Variants in ST8SIA5 observed in about 807,000 individuals in gnomAD.
The protein encoded by ST8SIA5 is ST8 alpha-N-acetyl-neuraminide alpha-2,8-sialyltransferase 5.
Under a neutral mutation model 40.2 loss-of-function variants are expected in ST8SIA5, and 24 were observed. The ratio of observed to expected loss-of-function variants is 0.60; its 90% CI spans 0.43 to 0.84. ST8SIA5 has a LOEUF of 0.84. ST8SIA5 is among the 40% of genes least tolerant of loss of function. ST8SIA5 has a pLI of 0.00. For missense variants in ST8SIA5, 465 were observed against 498.5 expected (o/e 0.93, Z 0.64); for synonymous variants, 198 against 201.8 (o/e 0.98, Z 0.16).
At position 46,723,925 on chromosome 18, in the gene ST8SIA5, TAAAAAAA is replaced by T. The variant is rs879694921; in HGVS notation, c.132-19268_132-19262del. On this transcript the variant is annotated intron_variant, in intron 1 of 6. Transcript: ENST00000315087. ...TGGGTGACAAGAGCAAAACTCCATCTAAAAAAAAAAAAGAAAAAAGCAGAATTTTTTT... is the reference window on the plus strand; with the variant it reads ...TGGGTGACAAGAGCAAAACTCCATCTAAAAAGAAAAAAGCAGAATTTTTTT... Among the ~76,000 whole-genome samples, 7 of 141,400 alleles carry T rather than the reference TAAAAAAA, an allele frequency of 5.0e-5. No homozygotes were observed. The East Asian group carries it at 1.4e-3, about 29-fold the overall frequency. 92.8% of individuals were successfully genotyped at this position (141,400 alleles called of 152,430 possible). A position where few individuals can be genotyped will look rare whatever the true frequency, so the allele number is the denominator to read the frequency against.
chr18:46,673,241 T>C lies in ST8SIA5; in HGVS notation c.*6801A>G, dbSNP rs1167013545. Reference sequence around the variant, plus strand: ...CTATGTTATGTGTATTTTACCATAATTACAAATGAAAAAGAAATCTTTGTT... The same window carrying C: ...CTATGTTATGTGTATTTTACCATAACTACAAATGAAAAAGAAATCTTTGTT... On this transcript the variant is annotated 3_prime_UTR_variant, in exon 7 of 7. Transcript: ENST00000315087. The C allele has an allele frequency of 6.6e-6, 1 of 152,220 alleles. No homozygotes were observed. The highest frequency in any genetic ancestry group is 1.5e-5 in the Non-Finnish European group (1 of 68,042). 9.4% of individuals were successfully genotyped at this position (152,220 alleles called of 1,614,324 possible).
chr18:46,724,989 GAGGAAGGAAGGA>G (rs60444300), intron 1 of ST8SIA5, among the ~76,000 whole-genome samples: 11,067 of 99,618 alleles, frequency 0.11, 646 homozygotes, highest in African/African-American at 0.17. Context: ...GAAAGAGAGA[GAGGAAGGAAGGA>G]AGGAAGGAAG....
In ST8SIA5 at chr18:46,731,494, C is replaced by T. The variant is rs562905946; in HGVS notation, c.131+24884G>A. ...GGGCCCCTTCACCTCCCTCTCGCCC[C>T]AGCAGGAGAGCCCAGGCCCCTGTGG... On this transcript the variant is annotated intron_variant, in intron 1 of 6. Coordinates refer to ENST00000315087, the MANE Select transcript of ST8SIA5 (RefSeq NM_013305.6). Among the ~76,000 whole-genome samples the T allele has an allele frequency of 2.0e-5, 3 of 152,332 alleles. No homozygotes were observed. In the South Asian group the frequency reaches 6.2e-4, roughly 32 times the overall value.
intron 5 of ST8SIA5, among the ~76,000 whole-genome samples, chr18:46,684,616 G>A (rs1372812231): frequency 2.6e-5 from 4 of 152,240 alleles, no homozygotes; most frequent in South Asian, 4.1e-4. Context: ...ACCACTATAC[G>A]CTCCACTTCT....
chr18:46,702,256 G>A (rs918164771), intron 2 of ST8SIA5, among the ~76,000 whole-genome samples: 14 of 152,056 alleles, frequency 9.2e-5, no homozygotes, highest in African/African-American at 3.4e-4. Flanking sequence ...GGGCCTGAAA[G>A]CTTTGAATTC....
In ST8SIA5 at chr18:46,680,005, G is replaced by T. The variant is rs773255154; in HGVS notation, c.*37C>A. 3 of 1,567,408 alleles carry T rather than the reference G, an allele frequency of 1.9e-6. No individual in the cohort carries two copies. The highest frequency in any genetic ancestry group is 1.2e-5 in the South Asian group (1 of 82,816). On this transcript the variant is annotated 3_prime_UTR_variant, in exon 7 of 7. Coordinates refer to ENST00000315087, the MANE Select transcript of ST8SIA5 (RefSeq NM_013305.6). The stretch of plus-strand genomic sequence containing the variant: ...TTCCACCAGGAGGGACAGCAGGAGA[G>T]GGGGCGCCGCTTGCCGGGCAGCCTG...
At chr18:46,750,739 G>A (rs560172810) in intron 1 of ST8SIA5, among the ~76,000 whole-genome samples, 7 of 152,052 alleles carry the variant, frequency 4.6e-5, no homozygotes, top group Non-Finnish European at 7.4e-5. Context: ...CTCCAGCCTC[G>A]GCTTCCAGAG....
At chr18:46,696,635 C>T (rs1327116520) in intron 2 of ST8SIA5, among the ~76,000 whole-genome samples, 2 of 152,208 alleles carry the variant, frequency 1.3e-5, no homozygotes, top group African/African-American at 4.8e-5. Context: ...TGCTGCCCTT[C>T]CAGTCTTAAA....
At chr18:46,704,546 C>A (rs1484051761) in intron 2 of ST8SIA5, 26 bp downstream of exon 2, 11 of 1,607,616 alleles carry the variant, frequency 6.8e-6, no homozygotes, top group Non-Finnish European at 9.4e-6. Context: ...ATGCTCCCTG[C>A]ACCCACCACA....
chr18:46,725,919 G>A (rs187718251), intron 1 of ST8SIA5, among the ~76,000 whole-genome samples: 1,926 of 132,310 alleles, frequency 0.015, 53 homozygotes, highest in African/African-American at 0.053. Flanking sequence ...TCAGGAGTTT[G>A]AGACCAGCCT....
intron 1 of ST8SIA5, among the ~76,000 whole-genome samples, chr18:46,744,641 T>C (rs892141158): frequency 6.6e-6 from 1 of 152,104 alleles, no homozygotes; most frequent in Admixed American, 6.6e-5. Flanking sequence ...CCACTGTCAA[T>C]ATTAGACAGA....
Position 46,677,793 on chromosome 18 carries a change from A to G in ST8SIA5, c.*2249T>C, listed in dbSNP as rs972709016. Reference sequence around the variant, plus strand: ...TGGGAATCCTGATGTCTGTGTCACCAGGGAGCCTCCCCCAAACACTGCCCA... The same window carrying G: ...TGGGAATCCTGATGTCTGTGTCACCGGGGAGCCTCCCCCAAACACTGCCCA... On this transcript the variant is annotated 3_prime_UTR_variant, in exon 7 of 7. Coordinates refer to ENST00000315087, the MANE Select transcript of ST8SIA5 (RefSeq NM_013305.6). The G allele has an allele frequency of 6.6e-6, 1 of 152,202 alleles. No individual in the cohort carries two copies. Among genetic ancestry groups the G allele is most frequent in the Admixed American group, 6.5e-5 (1 of 15,274 alleles). 9.4% of individuals were successfully genotyped at this position (152,202 alleles called of 1,614,324 possible).
chr18:46,717,021 T>C (rs1175637286), intron 1 of ST8SIA5, among the ~76,000 whole-genome samples: 1 of 152,210 alleles, frequency 6.6e-6, no homozygotes, highest in Non-Finnish European at 1.5e-5. Context: ...TCTGGGGGAC[T>C]CCTGCCTCAG....
chr18:46,710,746 A>C (rs1175805119), intron 1 of ST8SIA5, among the ~76,000 whole-genome samples: 2 of 151,760 alleles, frequency 1.3e-5, no homozygotes, highest in Admixed American at 1.3e-4. Context: ...TGCCCCACAG[A>C]GGCTCCCCTG....
At position 46,686,215 on chromosome 18, in the gene ST8SIA5, G is replaced by T. The variant is rs1156867679; in HGVS notation, c.528C>A (p.Ser176Arg). The T allele has an allele frequency of 4.3e-6, 7 of 1,614,164 alleles. No individual in the cohort carries two copies. Among genetic ancestry groups the T allele is most frequent in the Non-Finnish European group, 5.9e-6 (7 of 1,180,044 alleles). Residue 176 changes from serine (S) to arginine (R), a missense_variant, in exon 5 of 7, where the codon AGC becomes AGA. Ser to Arg is a moderately radical substitution (Grantham distance 110). Coordinates refer to ENST00000315087, the MANE Select transcript of ST8SIA5 (RefSeq NM_013305.6). The part of the protein sequence containing the change: ...VVGNGGILKN[S>R]RCGREINSAD... ...CGCTGTTGATCTCCCTCCCGCAGCG[G>T]CTGTTCTTCAAGATGCCTCCGTTGC... is the stretch of plus-strand genomic sequence containing the variant.
chr18:46,740,428 T>C (rs991800926), intron 1 of ST8SIA5, among the ~76,000 whole-genome samples: 4 of 152,130 alleles, frequency 2.6e-5, no homozygotes, highest in African/African-American at 9.7e-5. Flanking sequence ...GTAAATATAC[T>C]AAACTTTCTA....
chr18:46,756,454 G>C lies in ST8SIA5; in HGVS notation c.55C>G (p.Leu19Val), dbSNP rs1466551744. The change falls in exon 1 of 7, where the codon CTC (leucine) becomes GTC (valine). Residue 19 changes from leucine to valine, a missense_variant. Transcript: ENST00000315087. ...GCAAAGGCGCAGATGAAGATGAAGAGCAAAGTTCGGCTCCCCAACAAATCC... is the reference window on the plus strand; with the variant it reads ...GCAAAGGCGCAGATGAAGATGAAGACCAAAGTTCGGCTCCCCAACAAATCC... The part of the protein sequence containing the change: ...NRDLLGSRTL[L>V]FIFICAFALV... The C allele has an allele frequency of 2.5e-6, 4 of 1,613,260 alleles. No homozygotes were observed. The highest frequency in any genetic ancestry group is 1.7e-5 in the Admixed American group (1 of 60,000).
At chr18:46,694,411 G>A (rs72917404) in intron 2 of ST8SIA5, among the ~76,000 whole-genome samples, 38,176 of 152,018 alleles carry the variant, frequency 0.25, 5,780 homozygotes, top group Middle Eastern at 0.42. Context: ...TCGAAAAATT[G>A]TAATTCTACA....
chr18:46,710,529 CCTTTCTTT>C (rs889069638), intron 1 of ST8SIA5, among the ~76,000 whole-genome samples: 3 of 145,342 alleles, frequency 2.1e-5, no homozygotes, highest in Admixed American at 6.9e-5. Flanking sequence ...TTCCTTTCTT[CCTTTCTTT>C]CTTTCTCTCT....
Sources: gnomAD v4.1 joint callset for allele counts (sites outside exome capture counted in the v4.1 genomes callset) on GRCh38, gnomAD v4.1.1 for gene constraint, MANE v1.5 for transcripts, NCBI Gene and HGNC (gene_info 2026-07-23, HGNC 2026-07-21) for gene names.